The following EXT1 variants were observed in gnomAD, a reference collection of about 807,000 sequenced individuals.
The protein encoded by EXT1 is exostosin glycosyltransferase 1.
Under a neutral mutation model 82.5 loss-of-function variants are expected in EXT1, and 20 were observed. The observed-to-expected ratio is 0.24, with a 90% confidence interval of 0.17 to 0.35. The LOEUF (loss-of-function observed/expected upper bound fraction) is 0.35. Among genes scored for constraint, EXT1 ranks in the 10% least tolerant of loss-of-function variants. The pLI is 1.00. For missense variants in EXT1, 757 were observed against 936.5 expected, an observed-to-expected ratio of 0.81 and a Z score of 2.50; for synonymous variants, 348 against 350.8, an observed-to-expected ratio of 0.99 and a Z score of 0.09.
chr8:117,859,279 C>G (rs1812639521), intron 1 of EXT1, among the ~76,000 whole-genome samples: 1 of 152,172 alleles, frequency 6.6e-6, no homozygotes, highest in African/African-American at 2.4e-5. Flanking sequence ...AGGCACAAAA[C>G]CCAGCCACTA....
chr8:117,981,519 G>C (rs1815202682), intron 1 of EXT1, among the ~76,000 whole-genome samples: 2 of 152,148 alleles, frequency 1.3e-5, no homozygotes, highest in Admixed American at 1.3e-4. Flanking sequence ...AAGCAGCATG[G>C]AGCTTGATCC....
In EXT1 at chr8:117,809,242, T is replaced by TATATA. The variant is rs796605483; in HGVS notation, c.1723-1866_1723-1865insTATAT. On this transcript the variant is annotated intron_variant, in intron 8 of 10. Coordinates refer to ENST00000378204, the MANE Select transcript of EXT1 (RefSeq NM_000127.3). ...AAATATATATATATATATATATATA[T>TATATA]ATTATGTTCTATTGATTCTGTTTGC... Among the ~76,000 whole-genome samples, 53 of 141,214 alleles carry TATATA rather than the reference T, an allele frequency of 3.8e-4. 1 individual carries two copies. Among genetic ancestry groups the TATATA allele is most frequent in the African/African-American group, 7.4e-4 (29 of 39,388 alleles). The allele number at this position is 141,214 out of a possible 152,430, so 92.6% of individuals were successfully genotyped here. A position where few individuals can be genotyped will look rare whatever the true frequency, so the allele number is the denominator to read the frequency against.
intron 1 of EXT1, among the ~76,000 whole-genome samples, chr8:118,046,115 T>TC (rs1816618456): frequency 6.7e-6 from 1 of 149,134 alleles, no homozygotes; most frequent in African/African-American, 2.6e-5. Flanking sequence ...TTTTTTTTTT[T>TC]TCTTTTTGCC....
At chr8:117,874,795 A>G (rs1006336058) in intron 1 of EXT1, among the ~76,000 whole-genome samples, 1 of 152,076 alleles carries the variant, frequency 6.6e-6, no homozygotes, top group Non-Finnish European at 1.5e-5. Flanking sequence ...TTCCTTTTCC[A>G]TCTTCTTTAG....
intron 1 of EXT1, among the ~76,000 whole-genome samples, chr8:117,898,533 CA>C: frequency 6.6e-6 from 1 of 152,156 alleles, no homozygotes; most frequent in East Asian, 1.9e-4. Context: ...TTGATTCAGC[CA>C]TTGTTTAGTT....
chr8:117,930,217 G>A (rs1277460835), intron 1 of EXT1, among the ~76,000 whole-genome samples: 2 of 152,046 alleles, frequency 1.3e-5, no homozygotes, highest in Admixed American at 1.3e-4. Context: ...CCAACCAGTG[G>A]GACCAGTCAA....
intron 1 of EXT1, among the ~76,000 whole-genome samples, chr8:118,043,574 A>G (rs1190233309): frequency 1.3e-5 from 2 of 152,208 alleles, no homozygotes; most frequent in African/African-American, 4.8e-5. Context: ...CATCATGTCC[A>G]CTAAGGGTAA....
intron 1 of EXT1, among the ~76,000 whole-genome samples, chr8:117,964,611 C>CTGTG (rs745952207): frequency 1.3e-5 from 2 of 150,282 alleles, no homozygotes; most frequent in East Asian, 1.9e-4. Context: ...GGTTTTATGT[C>CTGTG]TGTGTGTGTG....
chr8:117,996,265 A>C (rs1815536687), intron 1 of EXT1, among the ~76,000 whole-genome samples: 1 of 152,138 alleles, frequency 6.6e-6, no homozygotes, highest in Admixed American at 6.5e-5. Flanking sequence ...CCTAGCACCA[A>C]CTGCTAGATA....
At chr8:117,915,169 G>A (rs1257317311) in intron 1 of EXT1, among the ~76,000 whole-genome samples, 3 of 152,146 alleles carry the variant, frequency 2.0e-5, no homozygotes, top group Non-Finnish European at 4.4e-5. Context: ...AAGATAGAAA[G>A]AATCTACATT....
chr8:118,007,493 CAGTT>C (rs1287251815), intron 1 of EXT1, among the ~76,000 whole-genome samples: 1 of 152,178 alleles, frequency 6.6e-6, no homozygotes, highest in Non-Finnish European at 1.5e-5. Flanking sequence ...TCAGAACAAA[CAGTT>C]AGTGCATGTG....
At chr8:117,856,422 ATTTTTTTTTTTTT>A (rs951647677) in intron 1 of EXT1, among the ~76,000 whole-genome samples, 7 of 83,764 alleles carry the variant, frequency 8.4e-5, no homozygotes, top group Admixed American at 1.2e-4. Context: ...GCCTGGCTAA[ATTTTTTTTTTTTT>A]TTTTTTTTTT....
chr8:117,955,188 G>T (rs111929317), intron 1 of EXT1, among the ~76,000 whole-genome samples: 8 of 152,268 alleles, frequency 5.3e-5, no homozygotes, highest in African/African-American at 1.4e-4. Context: ...TGGAGTCGGG[G>T]TGCACCATCC....
intron 1 of EXT1, among the ~76,000 whole-genome samples, chr8:117,979,359 C>T (rs375676958): frequency 8.5e-6 from 1 of 117,512 alleles, no homozygotes; most frequent in South Asian, 2.9e-4. Context: ...GTCTCAAAAA[C>T]AAACAAACAA....
intron 1 of EXT1, among the ~76,000 whole-genome samples, chr8:117,996,915 C>T (rs978629274): frequency 2.0e-5 from 3 of 152,162 alleles, no homozygotes; most frequent in African/African-American, 7.2e-5. Flanking sequence ...CCATCACTAT[C>T]TCTTGTAGGT....
In EXT1 at chr8:117,797,387, T is replaced by TG. The variant is rs1823102162; in HGVS notation, c.*2324_*2325insC. On this transcript the variant is annotated 3_prime_UTR_variant, in exon 11 of 11. Transcript: ENST00000378204. ...ACCATTTTTCTTCACATAACACATG[T>TG]TGTTTGTGGAGGATATGTGTTGTGA... The TG allele has an allele frequency of 6.6e-6, 1 of 152,234 alleles. No homozygotes were observed. Among genetic ancestry groups the TG allele is most frequent in the Non-Finnish European group, 1.5e-5 (1 of 68,050 alleles). The allele number at this position is 152,234 out of a possible 1,614,324, so 9.4% of individuals were successfully genotyped here. A position where few individuals can be genotyped will look rare whatever the true frequency, so the allele number is the denominator to read the frequency against.
At chr8:117,998,366 G>T (rs1303475148) in intron 1 of EXT1, among the ~76,000 whole-genome samples, 1 of 152,112 alleles carries the variant, frequency 6.6e-6, no homozygotes, top group African/African-American at 2.4e-5. Context: ...CTGGAGTACA[G>T]TGGCACAATC....
At chr8:118,013,117 T>A (rs1213863734) in intron 1 of EXT1, among the ~76,000 whole-genome samples, 3 of 151,808 alleles carry the variant, frequency 2.0e-5, no homozygotes, top group African/African-American at 7.3e-5. Context: ...TCACTGCACC[T>A]CAACATCCCA....
chr8:117,831,627 T>C (rs747305828), intron 3 of EXT1: 7 of 471,164 alleles, frequency 1.5e-5, no homozygotes, highest in South Asian at 1.1e-4. Context: ...CTCCATAACA[T>C]ATGACTAATC....
Sources: gnomAD v4.1 joint callset for allele counts (sites outside exome capture counted in the v4.1 genomes callset) on GRCh38, gnomAD v4.1.1 for gene constraint, MANE v1.5 for transcripts, NCBI Gene and HGNC (gene_info 2026-07-23, HGNC 2026-07-21) for gene names.